The following PATJ variants were observed in gnomAD, a reference collection of about 807,000 sequenced individuals.
The protein encoded by PATJ is inaD-like protein.
Under a neutral mutation model 224.9 loss-of-function variants are expected in PATJ, and 190 were observed. That is an observed-to-expected ratio of 0.84 (90% CI 0.75 to 0.95). The LOEUF (loss-of-function observed/expected upper bound fraction) is 0.95. PATJ is among the 40% of genes least tolerant of loss of function. The pLI is 0.00. For synonymous variants in PATJ, 769 were observed against 820.3 expected (o/e 0.94, Z 1.07); for missense variants, 2,121 against 2,270.3 (o/e 0.93, Z 1.34).
chr1:61,886,155 T>C (rs1322629234), intron 22 of PATJ, among the ~76,000 whole-genome samples: 13 of 151,504 alleles, frequency 8.6e-5, no homozygotes, highest in Non-Finnish European at 1.5e-4. Flanking sequence ...TGTGCACATG[T>C]ACCCTAAAAC....
At chr1:62,121,324 C>A in intron 38 of PATJ, 29 bp downstream of exon 38, 1 of 1,265,878 alleles carries the variant, frequency 7.9e-7, no homozygotes, top group Admixed American at 2.0e-5. Flanking sequence ...CAGAGCAAAA[C>A]TATCCTGTTA....
At chr1:62,137,442 G>C (rs866611350) in intron 41 of PATJ, among the ~76,000 whole-genome samples, 1 of 48,262 alleles carries the variant, frequency 2.1e-5, no homozygotes, top group Admixed American at 2.1e-4. Flanking sequence ...GCCTCTGGAG[G>C]GGGGAACACA....
chr1:62,032,737 C>T (rs1649561941), intron 29 of PATJ, among the ~76,000 whole-genome samples: 1 of 152,084 alleles, frequency 6.6e-6, no homozygotes, highest in East Asian at 1.9e-4. Context: ...ATTGAGATCC[C>T]TTGAGTAGTG....
At chr1:62,107,943 A>G (rs1663308836) in intron 33 of PATJ, among the ~76,000 whole-genome samples, 1 of 152,148 alleles carries the variant, frequency 6.6e-6, no homozygotes, top group South Asian at 2.1e-4. Flanking sequence ...AAGTCCATGA[A>G]TGCTGTTTCC....
intron 6 of PATJ, among the ~76,000 whole-genome samples, chr1:61,772,911 C>T (rs761439414): frequency 9.2e-5 from 14 of 152,304 alleles, no homozygotes; most frequent in Non-Finnish European, 1.3e-4. Flanking sequence ...GCTGCATATA[C>T]GTTCTCTGAA....
intron 9 of PATJ, among the ~76,000 whole-genome samples, chr1:61,792,567 G>A (rs910313892): frequency 2.6e-5 from 4 of 151,312 alleles, no homozygotes; most frequent in Non-Finnish European, 5.9e-5. Flanking sequence ...GTCTCGCTCT[G>A]TCGCCCAGGC....
At chr1:61,998,652 G>A (rs1645563230) in intron 28 of PATJ, among the ~76,000 whole-genome samples, 1 of 152,202 alleles carries the variant, frequency 6.6e-6, no homozygotes, top group African/African-American at 2.4e-5. Flanking sequence ...CTTGCACTAG[G>A]AGAGCTTGTC....
At chr1:62,000,438 A>G (rs1645691288) in intron 28 of PATJ, among the ~76,000 whole-genome samples, 1 of 144,826 alleles carries the variant, frequency 6.9e-6, no homozygotes, top group Non-Finnish European at 1.5e-5. Context: ...ATGAGTGAGA[A>G]TATGCAGTGT....
intron 28 of PATJ, among the ~76,000 whole-genome samples, chr1:62,017,113 T>A (rs1423186197): frequency 6.6e-6 from 1 of 152,172 alleles, no homozygotes; most frequent in African/African-American, 2.4e-5. Context: ...ACAAAGAATA[T>A]TAAGATTTTT....
At chr1:62,134,204 CTTTT>C (rs71050201) in intron 41 of PATJ, among the ~76,000 whole-genome samples, 2 of 124,002 alleles carry the variant, frequency 1.6e-5, no homozygotes, top group African/African-American at 3.0e-5. Context: ...GTACTCTCGT[CTTTT>C]TTTTTTTTTT....
chr1:61,768,028 A>G (rs1397168017), intron 4 of PATJ, among the ~76,000 whole-genome samples: 1 of 151,780 alleles, frequency 6.6e-6, no homozygotes, highest in East Asian at 1.9e-4. Flanking sequence ...TTTTTAGTTG[A>G]TTACATTTAT....
intron 27 of PATJ, among the ~76,000 whole-genome samples, chr1:61,969,815 G>A (rs998828996): frequency 2.6e-5 from 4 of 151,858 alleles, no homozygotes; most frequent in South Asian, 2.1e-4. Context: ...TGCCTCAGCC[G>A]CCTGAGTAGC....
At chr1:61,819,605 G>A (rs370159422) in intron 14 of PATJ, among the ~76,000 whole-genome samples, 18 of 152,218 alleles carry the variant, frequency 1.2e-4, no homozygotes, top group East Asian at 7.7e-4. Context: ...AGCGTGGGGC[G>A]GCAGGCGGCG....
chr1:61,936,186 C>CGG (rs891325463), intron 27 of PATJ, among the ~76,000 whole-genome samples: 6 of 151,752 alleles, frequency 4.0e-5, no homozygotes, highest in African/African-American at 1.5e-4. Context: ...TTAGCAGTCA[C>CGG]TCCACTTCAT....
At chr1:61,913,470 A>G (rs1346843995) in intron 25 of PATJ, among the ~76,000 whole-genome samples, 1 of 152,198 alleles carries the variant, frequency 6.6e-6, no homozygotes, top group Non-Finnish European at 1.5e-5. Flanking sequence ...AGCCTCTCAA[A>G]GTGCTGGGAT....
chr1:61,796,728 CTTTCTTTCTTTCT>C (rs1557661439), intron 10 of PATJ, among the ~76,000 whole-genome samples: 31 of 52,460 alleles, frequency 5.9e-4, no homozygotes, highest in African/African-American at 1.9e-3. Flanking sequence ...CTTTCTTTTT[CTTTCTTTCTTTCT>C]TTTTTTTCTT....
intron 32 of PATJ, 50 bp downstream of exon 32, chr1:62,079,617 C>A: frequency 1.7e-6 from 2 of 1,202,390 alleles, no homozygotes; most frequent in Non-Finnish European, 2.5e-6. Context: ...TTAGAGAAGG[C>A]AAGGGATCAT....
At chr1:61,969,695 CTTTG>C (rs919819581) in intron 27 of PATJ, among the ~76,000 whole-genome samples, 4 of 151,914 alleles carry the variant, frequency 2.6e-5, no homozygotes, top group African/African-American at 7.2e-5. Flanking sequence ...TGATTGTGTA[CTTTG>C]TTTTGTTTGT....
intron 27 of PATJ, among the ~76,000 whole-genome samples, chr1:61,932,560 T>G (rs1180181576): frequency 6.6e-6 from 1 of 152,174 alleles, no homozygotes; most frequent in African/African-American, 2.4e-5. Context: ...CCATTGAATT[T>G]AACAAGAAAT....
Sources: allele counts gnomAD v4.1 joint callset (sites outside exome capture counted in the v4.1 genomes callset), GRCh38; gene constraint gnomAD v4.1.1; transcripts MANE v1.5; gene names NCBI Gene and HGNC (gene_info 2026-07-23, HGNC 2026-07-21).